Variants in TUB observed in about 807,000 individuals in gnomAD.
TUB encodes TUB bipartite transcription factor.
A neutral mutation model predicts 59.7 loss-of-function variants in TUB; 33 were observed. The observed-to-expected ratio is 0.55, with a 90% CI of 0.42 to 0.74. The LOEUF (loss-of-function observed/expected upper bound fraction) is 0.74. Among genes scored for constraint, TUB ranks in the 30% least tolerant of loss-of-function variants. The pLI is 0.00. For synonymous variants in TUB, 293 were observed against 256.4 expected, an observed-to-expected ratio of 1.14 and a Z score of -1.36; for missense variants, 659 against 672.0, an observed-to-expected ratio of 0.98 and a Z score of 0.21.
intron 1 of TUB, among the ~76,000 whole-genome samples, chr11:8,086,265 T>A (rs953542673): frequency 3.3e-5 from 5 of 152,148 alleles, no homozygotes; most frequent in African/African-American, 1.2e-4. Flanking sequence ...ATCGTTTAGG[T>A]CAGCCTAGAA....
intron 4 of TUB, 119 bp downstream of exon 4, chr11:8,094,308 C>CA: frequency 3.8e-6 from 5 of 1,301,284 alleles, no homozygotes; most frequent in South Asian, 1.5e-5. Flanking sequence ...AGGGAAGACA[C>CA]AGACTGCCAC....
Position 8,097,704 on chromosome 11 carries a change from A to G in TUB, c.886-10A>G, listed in dbSNP as rs200128916. On this transcript the variant is annotated splice_polypyrimidine_tract_variant and intron_variant, in intron 7 of 11. Transcript: ENST00000299506. ...TGAGTCTGGAATATGACCTCATTCC[A>G]CTCCCCAAGGTGTTCCTCCTGGCGG... 4.4e-5 allele frequency: 70 copies of G among 1,608,240 alleles called. No individual in the cohort carries two copies. The African/African-American group carries it at 8.7e-4, about 20-fold the overall frequency.
At chr11:8,040,690 A>G (rs910143406) in intron 2 of TUB, among the ~76,000 whole-genome samples, 5 of 152,192 alleles carry the variant, frequency 3.3e-5, no homozygotes, top group African/African-American at 1.2e-4. Flanking sequence ...AGCCTACTTC[A>G]CAGGCTCTTG....
chr11:8,105,043 A>G lies in TUB; in HGVS notation c.*3424A>G, dbSNP rs952233739. 3.3e-5 allele frequency: 5 copies of G among 152,196 alleles called. No homozygotes were observed. The highest frequency in any genetic ancestry group is 7.2e-5 in the African/African-American group (3 of 41,436). The allele number at this position is 152,196 out of a possible 1,614,324, so 9.4% of individuals were successfully genotyped here. A position where few individuals can be genotyped will look rare whatever the true frequency, so the allele number is the denominator to read the frequency against. On this transcript the variant is annotated 3_prime_UTR_variant, in exon 12 of 12. Coordinates refer to ENST00000299506, the MANE Select transcript of TUB (RefSeq NM_177972.3). ...AAGTGACAGGGTTGGTTTCAAAGAA[A>G]AAGGTCCATGCTTTGCTTACAATGG...
chr11:8,025,918 A>C (rs1301923808), intron 1 of TUB, among the ~76,000 whole-genome samples: 2 of 152,212 alleles, frequency 1.3e-5, no homozygotes, highest in Non-Finnish European at 2.9e-5. Context: ...GGACCATTTT[A>C]TATTCTCATG....
chr11:8,038,990 G>A, exon 1 of TUB: 1 of 1,613,876 alleles, frequency 6.2e-7, no homozygotes, highest in Non-Finnish European at 8.5e-7. Context: ...AGCAGCACAG[G>A]AAACCTGGGC....
chr11:8,041,762 C>T (rs1942754666), intron 2 of TUB, among the ~76,000 whole-genome samples: 1 of 152,176 alleles, frequency 6.6e-6, no homozygotes, highest in African/African-American at 2.4e-5. Context: ...CATTCACCAC[C>T]TGGCCTCTTA....
At chr11:8,086,109 A>T (rs1943661143) in intron 1 of TUB, among the ~76,000 whole-genome samples, 1 of 152,174 alleles carries the variant, frequency 6.6e-6, no homozygotes, top group African/African-American at 2.4e-5. Flanking sequence ...AGGAGACTCC[A>T]GGGTCAGCTG....
chr11:8,087,535 G>T (rs12277542), intron 1 of TUB, among the ~76,000 whole-genome samples: 1,560 of 152,348 alleles, frequency 0.01, 31 homozygotes, highest in African/African-American at 0.035. Context: ...ACAGAGCTTG[G>T]CAAGCGGAGG....
intron 2 of TUB, among the ~76,000 whole-genome samples, chr11:8,061,186 A>G (rs1943118315): frequency 6.6e-6 from 1 of 152,156 alleles, no homozygotes; most frequent in Non-Finnish European, 1.5e-5. Context: ...GACAAAGCAC[A>G]TTTCCTCCTT....
At position 8,100,944 on chromosome 11, in the gene TUB, G is replaced by A; in HGVS notation, c.1334G>A (p.Gly445Glu). ...CAGTCCTATGTACTCAACTTCCATG[G>A]GCGCGTCACACAGGCCTCCGTGAAG... ...DTQSYVLNFH[G>E]RVTQASVKNF... The change falls in exon 11 of 12, where the codon GGG becomes GAG. Residue 445 changes from glycine to glutamate, a missense_variant. Physicochemically the swap from Gly to Glu is moderately conservative, Grantham distance 98. This residue lies in a region of TUB where 226 missense variants were observed against 210.8 expected (regional missense o/e 1.07). Transcript: ENST00000299506. 1 of 1,614,156 alleles carries A rather than the reference G, an allele frequency of 6.2e-7. No homozygotes were observed. Among genetic ancestry groups the A allele is most frequent in the Non-Finnish European group, 8.5e-7 (1 of 1,180,024 alleles).
At chr11:8,083,699 G>A (rs923285289) in intron 1 of TUB, among the ~76,000 whole-genome samples, 4 of 151,858 alleles carry the variant, frequency 2.6e-5, no homozygotes, top group East Asian at 3.9e-4. Flanking sequence ...CCCGAGGAGC[G>A]TCTCAACACC....
chr11:8,087,240 C>T (rs1433534203), intron 1 of TUB, among the ~76,000 whole-genome samples: 2 of 152,230 alleles, frequency 1.3e-5, no homozygotes, highest in African/African-American at 2.4e-5. Flanking sequence ...TGAGTCTTAC[C>T]TCTCAGCTGG....
chr11:8,040,362 G>T (rs1942727713), intron 2 of TUB, among the ~76,000 whole-genome samples: 1 of 152,224 alleles, frequency 6.6e-6, no homozygotes, highest in Admixed American at 6.5e-5. Flanking sequence ...GTCCCCAGCT[G>T]CAGAGTGTCT....
At chr11:8,063,495 G>A (rs1589943170) in intron 2 of TUB, among the ~76,000 whole-genome samples, 1 of 151,988 alleles carries the variant, frequency 6.6e-6, no homozygotes, top group East Asian at 1.9e-4. Context: ...CCGTCTTGCC[G>A]GCCCAAGGAT....
intron 1 of TUB, among the ~76,000 whole-genome samples, chr11:8,088,625 C>T (rs10743049): frequency 0.22 from 33,839 of 152,274 alleles, 4,181 homozygotes; most frequent in East Asian, 0.35. Flanking sequence ...GGGCCAGGGC[C>T]GCCTGGGGCT....
rs1944337354 is a variant in TUB, at chr11:8,102,194, G to T, written c.*575G>T. On this transcript the variant is annotated 3_prime_UTR_variant, in exon 12 of 12. Coordinates refer to ENST00000299506, the MANE Select transcript of TUB (RefSeq NM_177972.3). Reference sequence around the variant, plus strand: ...CAAGCCTGAGAGAAGTTGGGAGGGTGGTGGGGACAGGTAAGTGGCAGGACC... The same window carrying T: ...CAAGCCTGAGAGAAGTTGGGAGGGTTGTGGGGACAGGTAAGTGGCAGGACC... 6.6e-6 allele frequency: 1 copy of T among 152,588 alleles called. No individual in the cohort carries two copies. Among genetic ancestry groups the T allele is most frequent in the African/African-American group, 2.4e-5 (1 of 41,460 alleles). 9.5% of individuals were successfully genotyped at this position (152,588 alleles called of 1,614,324 possible).
At chr11:8,065,233 A>G (rs1049920188) in intron 2 of TUB, among the ~76,000 whole-genome samples, 1 of 152,106 alleles carries the variant, frequency 6.6e-6, no homozygotes, top group African/African-American at 2.4e-5. Flanking sequence ...TGGGCCCACT[A>G]AGGTCCTCCA....
chr11:8,081,806 T>C (rs10839974), intron 1 of TUB, among the ~76,000 whole-genome samples: 115,563 of 152,182 alleles, frequency 0.76, 47,602 homozygotes, highest in East Asian at 1. Context: ...GGCAGCACCA[T>C]GTGGCCGCCT....
Sources: allele counts gnomAD v4.1 joint callset (sites outside exome capture counted in the v4.1 genomes callset), GRCh38; gene constraint gnomAD v4.1.1; regional missense constraint gnomAD v4.1.1; transcripts MANE v1.5; gene names NCBI Gene and HGNC (gene_info 2026-07-23, HGNC 2026-07-21).